Variants in KANSL1 observed in about 807,000 individuals in gnomAD.
KANSL1 encodes MLL1/MLL complex subunit KANSL1.
KANSL1 carries 22 observed loss-of-function variants against 103.6 expected under a neutral mutation model. The ratio of observed to expected loss-of-function variants is 0.21; its 90% CI spans 0.15 to 0.30. The LOEUF (loss-of-function observed/expected upper bound fraction) is 0.30. KANSL1 is among the 10% of genes least tolerant of loss of function. The pLI is 1.00. For missense variants in KANSL1, 1,337 were observed against 1,399.8 expected, an observed-to-expected ratio of 0.96 and a Z score of 0.72; for synonymous variants, 600 against 527.6, an observed-to-expected ratio of 1.14 and a Z score of -1.88.
At chr17:46,189,322 C>T (rs1380159372) in intron 1 of KANSL1, among the ~76,000 whole-genome samples, 2 of 152,120 alleles carry the variant, frequency 1.3e-5, no homozygotes, top group East Asian at 1.9e-4. Flanking sequence ...ACCCTAGTCC[C>T]TCCCCTCTAA....
At chr17:46,143,411 T>C (rs2044522407) in intron 2 of KANSL1, among the ~76,000 whole-genome samples, 1 of 151,810 alleles carries the variant, frequency 6.6e-6, no homozygotes. Context: ...GGAAAATCGC[T>C]TGAACCCGCG....
intron 6 of KANSL1, among the ~76,000 whole-genome samples, chr17:46,052,680 C>T (rs888928354): frequency 1.3e-5 from 2 of 150,300 alleles, no homozygotes; most frequent in South Asian, 2.1e-4. Flanking sequence ...CGTGGTGGCT[C>T]ACAACTGTAA....
At chr17:46,049,659 A>G (rs2077642187) in intron 7 of KANSL1, 1 of 152,196 alleles carries the variant, frequency 6.6e-6, no homozygotes, top group African/African-American at 2.4e-5. Context: ...GTGGGACTCA[A>G]TATGGCCAAA....
At chr17:46,208,077 C>G (rs976557074) in intron 1 of KANSL1, among the ~76,000 whole-genome samples, 2 of 151,698 alleles carry the variant, frequency 1.3e-5, no homozygotes, top group African/African-American at 4.9e-5. Context: ...CACCACTGCA[C>G]TCCAACCTGG....
At chr17:46,072,197 T>C (rs1277340710) in intron 4 of KANSL1, among the ~76,000 whole-genome samples, 3 of 151,654 alleles carry the variant, frequency 2.0e-5, no homozygotes, top group Non-Finnish European at 4.4e-5. Context: ...TAAGAACCAA[T>C]GTCTACTAGA....
intron 3 of KANSL1, among the ~76,000 whole-genome samples, chr17:46,089,177 T>C (rs2079280187): frequency 6.6e-6 from 1 of 152,194 alleles, no homozygotes; most frequent in South Asian, 2.1e-4. Flanking sequence ...GAAGAGTTTC[T>C]TTTTAAAAAA....
Position 46,171,286 on chromosome 17 carries a change from A to G in KANSL1, c.858T>C (p.Ala286=), listed in dbSNP as rs923328856. The change falls in exon 2 of 15, where the codon GCT becomes GCC. Residue 286 remains alanine (A), a synonymous_variant. Coordinates refer to ENST00000432791, the MANE Select transcript of KANSL1 (RefSeq NM_015443.4). ...CAATGTCAGCCTGTCGCCGCAGTAA[A>G]GCTGTTATCCTTGTGTCAGAATCTA... is the stretch of plus-strand genomic sequence containing the variant. ...SALDSDTRIT[A]LLRRQADIES... The G allele has an allele frequency of 2.5e-6, 4 of 1,613,994 alleles. No individual in the cohort carries two copies. In the African/African-American group the frequency reaches 4.0e-5, roughly 16 times the overall value.
intron 2 of KANSL1, among the ~76,000 whole-genome samples, chr17:46,108,873 A>G (rs1176646688): frequency 6.6e-6 from 1 of 152,176 alleles, no homozygotes. Flanking sequence ...TATAGTCCAC[A>G]CTCTTAGTCC....
rs765867329 is a variant in KANSL1 at position 46,067,673 on chromosome 17, T to A, written c.1534-6A>T. 1 of 1,453,514 alleles carries A rather than the reference T, an allele frequency of 6.9e-7. No homozygotes were observed. Among genetic ancestry groups the A allele is most frequent in the South Asian group, 1.1e-5 (1 of 87,384 alleles). 90.0% of individuals were successfully genotyped at this position (1,453,514 alleles called of 1,614,324 possible). ...GGCTGAGAAACAGACTCAATCTGATTAAGAAAAAGGAAAAAAGAAATTAAC... is the reference window on the plus strand; with the variant it reads ...GGCTGAGAAACAGACTCAATCTGATAAAGAAAAAGGAAAAAAGAAATTAAC... On this transcript the variant is annotated splice_polypyrimidine_tract_variant and splice_region_variant and intron_variant, in intron 4 of 14. Coordinates refer to ENST00000432791, the MANE Select transcript of KANSL1 (RefSeq NM_015443.4).
intron 2 of KANSL1, among the ~76,000 whole-genome samples, chr17:46,149,963 A>G (rs1004428134): frequency 6.6e-6 from 1 of 151,632 alleles, no homozygotes; most frequent in Non-Finnish European, 1.5e-5. Flanking sequence ...TGGAGCTTGC[A>G]GTGAGCTGAG....
intron 4 of KANSL1, among the ~76,000 whole-genome samples, chr17:46,075,336 A>G (rs1041362034): frequency 1.4e-5 from 2 of 147,308 alleles, no homozygotes; most frequent in African/African-American, 4.9e-5. Flanking sequence ...ATTTCAACAC[A>G]CACACACTCT....
At chr17:46,069,397 A>C (rs1433497272) in intron 4 of KANSL1, among the ~76,000 whole-genome samples, 3 of 152,204 alleles carry the variant, frequency 2.0e-5, no homozygotes, top group African/African-American at 7.2e-5. Flanking sequence ...TATACCCCCA[A>C]GGATAAAACA....
chr17:46,182,792 G>A (rs1370941410), intron 1 of KANSL1, among the ~76,000 whole-genome samples: 1 of 152,178 alleles, frequency 6.6e-6, no homozygotes, highest in Non-Finnish European at 1.5e-5. Context: ...AGTTGCAGGG[G>A]CAGGATCCAT....
In KANSL1 at chr17:46,031,597, C is replaced by T. The variant is rs368475798; in HGVS notation, c.3197G>A (p.Arg1066His). ...CCGGCCAGTCTTGCTGCCTGAGGTG[C>T]GTCGAGTGCAGCGGGCTGCTCGCTC... ...AQERAARCTR[R>H]TSGSKTGRET... The change falls in exon 15 of 15, where the codon CGC becomes CAC. Residue 1066 changes from arginine to histidine, a missense_variant. Arg to His is a conservative substitution (Grantham distance 29). This residue lies in a region of KANSL1 where 780 missense variants were observed against 923.4 expected (regional missense o/e 0.84). Transcript: ENST00000432791. 9.9e-6 allele frequency: 16 copies of T among 1,614,104 alleles called. No individual in the cohort carries two copies. The highest frequency in any genetic ancestry group is 2.2e-5 in the East Asian group (1 of 44,870).
intron 7 of KANSL1, chr17:46,043,602 T>C (rs964702876): frequency 1.3e-5 from 2 of 152,214 alleles, no homozygotes; most frequent in African/African-American, 2.4e-5. Flanking sequence ...ATACATTAAA[T>C]AACTCCAGAC....
chr17:46,081,459 C>T (rs1406237001), intron 4 of KANSL1, among the ~76,000 whole-genome samples: 4 of 152,182 alleles, frequency 2.6e-5, no homozygotes, highest in Non-Finnish European at 5.9e-5. Context: ...GCATTCTGCT[C>T]TTTAATTTAT....
At chr17:46,177,056 A>G (rs1330768556) in intron 1 of KANSL1, among the ~76,000 whole-genome samples, 3 of 152,346 alleles carry the variant, frequency 2.0e-5, no homozygotes, top group Non-Finnish European at 2.9e-5. Context: ...AAAGATATTC[A>G]TAAGTAAGAG....
intron 1 of KANSL1, among the ~76,000 whole-genome samples, chr17:46,200,153 C>T (rs1276645875): frequency 2.6e-5 from 4 of 152,018 alleles, no homozygotes; most frequent in African/African-American, 9.7e-5. Context: ...AATGTGTGAA[C>T]GTTCAATGAC....
At chr17:46,144,884 C>A (rs1025435570) in intron 2 of KANSL1, among the ~76,000 whole-genome samples, 9 of 152,158 alleles carry the variant, frequency 5.9e-5, no homozygotes, top group Non-Finnish European at 1.2e-4. Flanking sequence ...TTTCTAACTC[C>A]CCAGATTACC....
Sources: gnomAD v4.1 joint callset for allele counts (sites outside exome capture counted in the v4.1 genomes callset) on GRCh38, gnomAD v4.1.1 for gene constraint, gnomAD v4.1.1 regional missense constraint, MANE v1.5 for transcripts, NCBI Gene and HGNC (gene_info 2026-07-23, HGNC 2026-07-21) for gene names.